The following ANKRD30BL variants were observed in gnomAD, a reference collection of about 807,000 sequenced individuals.
ANKRD30BL encodes the protein putative ankyrin repeat domain-containing protein 30B-like.
In ANKRD30BL, 20 loss-of-function variants were observed where a neutral mutation model predicts 18.4. The observed-to-expected ratio is 1.09, with a 90% CI of 0.77 to 1.58. The LOEUF is 1.58. ANKRD30BL is among the 40% of genes most tolerant of loss of function. ANKRD30BL has a pLI of 0.00. For synonymous variants in ANKRD30BL, 72 were observed against 100.9 expected, an observed-to-expected ratio of 0.71 and a Z score of 1.72; for missense variants, 224 against 268.6, an observed-to-expected ratio of 0.83 and a Z score of 1.16.
At chr2:132,187,841 C>T (rs1688596516) in intron 1 of ANKRD30BL, among the ~76,000 whole-genome samples, 1 of 151,558 alleles carries the variant, frequency 6.6e-6, no homozygotes, top group African/African-American at 2.4e-5. Flanking sequence ...TCATTGCAAC[C>T]TCCGCCTCCT....
At chr2:132,169,627 C>CA (rs1210576459) in intron 1 of ANKRD30BL, among the ~76,000 whole-genome samples, 1 of 124,168 alleles carries the variant, frequency 8.1e-6, no homozygotes, top group Non-Finnish European at 1.6e-5. Context: ...AGCCTGGTGA[C>CA]ACAGGGATAC....
At chr2:132,253,541 C>T (rs1356445581) in intron 1 of ANKRD30BL, among the ~76,000 whole-genome samples, 1 of 152,162 alleles carries the variant, frequency 6.6e-6, no homozygotes, top group African/African-American at 2.4e-5. Context: ...GGGGTACAGG[C>T]CACACGTGCA....
At chr2:132,162,550 G>A (rs1322686913), upstream of ANKRD30BL, among the ~76,000 whole-genome samples, 2 of 152,208 alleles carry the variant, frequency 1.3e-5, no homozygotes, top group Non-Finnish European at 2.9e-5. Flanking sequence ...CTGCAACTGA[G>A]GTCCCACTGC....
chr2:132,221,014 G>A (rs1262991470), intron 1 of ANKRD30BL, among the ~76,000 whole-genome samples: 168 of 138,728 alleles, frequency 1.2e-3, no homozygotes, highest in Middle Eastern at 4.3e-3. Flanking sequence ...CTGCCCCGCC[G>A]CCCTGTCTGG....
chr2:132,169,950 C>G (rs1688250416), intron 1 of ANKRD30BL, among the ~76,000 whole-genome samples: 1 of 152,016 alleles, frequency 6.6e-6, no homozygotes, highest in Non-Finnish European at 1.5e-5. Context: ...TTTTAAATCT[C>G]ATTGTTTTAA....
intron 1 of ANKRD30BL, among the ~76,000 whole-genome samples, chr2:132,254,809 G>T (rs1280247879): frequency 2.0e-5 from 3 of 152,212 alleles, no homozygotes; most frequent in Admixed American, 6.5e-5. Flanking sequence ...TAACTAGTTG[G>T]CATGCCAGAG....
intron 1 of ANKRD30BL, among the ~76,000 whole-genome samples, chr2:132,198,742 C>T (rs1174848715): frequency 1.3e-5 from 2 of 151,810 alleles, no homozygotes; most frequent in African/African-American, 4.8e-5. Context: ...CTCAGCCTCC[C>T]GAGTAGCTGG....
rs1372033828 is a variant in ANKRD30BL, at chr2:132,232,814, A to T, written n.441+24715T>A. 3.3e-5 allele frequency among the ~76,000 whole-genome samples: 5 copies of T among 152,078 alleles called. No homozygotes were observed. In the East Asian group the frequency reaches 5.8e-4, roughly 18 times the overall value. On this transcript the variant is annotated intron_variant and non_coding_transcript_variant, in intron 1 of 4. Transcript: ENST00000470729. ...AATCTAGCAAGGCAGGCCAACATTC[A>T]GATTCAGGAAATACAGAGAATGCCA...
chr2:132,239,141 C>G (rs2104792327), intron 1 of ANKRD30BL, among the ~76,000 whole-genome samples: 1 of 152,176 alleles, frequency 6.6e-6, no homozygotes, highest in Admixed American at 6.6e-5. Context: ...CACATAAAAA[C>G]TAGAGAGAAG....
At chr2:132,163,528 A>C (rs566835542), upstream of ANKRD30BL, among the ~76,000 whole-genome samples, 263 of 152,336 alleles carry the variant, frequency 1.7e-3, no homozygotes, top group Non-Finnish European at 2.9e-3. Context: ...AGCCTGGGCA[A>C]CAGAGACTCT....
At chr2:132,186,397 T>C (rs1688560518) in intron 1 of ANKRD30BL, among the ~76,000 whole-genome samples, 2 of 152,286 alleles carry the variant, frequency 1.3e-5, no homozygotes, top group South Asian at 4.1e-4. Context: ...ATTGAACATG[T>C]ATATGTTTAC....
At chr2:132,171,078 C>G (rs1042199939) in intron 1 of ANKRD30BL, among the ~76,000 whole-genome samples, 1 of 151,170 alleles carries the variant, frequency 6.6e-6, no homozygotes, top group African/African-American at 2.4e-5. Context: ...ATGGCGTGAA[C>G]CCGGAGGCGG....
At chr2:132,255,769 T>A (rs1680813986) in intron 1 of ANKRD30BL, among the ~76,000 whole-genome samples, 1 of 152,164 alleles carries the variant, frequency 6.6e-6, no homozygotes, top group African/African-American at 2.4e-5. Context: ...TTCTCCAGAA[T>A]TGAACCCTGA....
At chr2:132,157,531 A>G (rs1687944407) in intron 1 of ANKRD30BL, 108 bp from the exon 2 acceptor site, 2 of 449,708 alleles carry the variant, frequency 4.4e-6, no homozygotes, top group African/African-American at 4.1e-5. Context: ...TCTGCCTTCA[A>G]AACAAATATT....
chr2:132,227,518 C>T (rs897815470), intron 1 of ANKRD30BL, among the ~76,000 whole-genome samples: 2 of 151,488 alleles, frequency 1.3e-5, no homozygotes, highest in African/African-American at 4.8e-5. Flanking sequence ...TTAGGTACCC[C>T]TTGAGACCCT....
Position 132,209,794 on chromosome 2 carries a change from G to A in ANKRD30BL, n.441+47735C>T, listed in dbSNP as rs139949473. On this transcript the variant is annotated intron_variant and non_coding_transcript_variant, in intron 1 of 4. Coordinates refer to the ANKRD30BL transcript ENST00000470729. ...ATTGAGCAGTTTTGAAACAATCTTT[G>A]TGTAGTATTTGCAAGTGGATATTTG... 3.3e-5 allele frequency among the ~76,000 whole-genome samples: 5 copies of A among 150,438 alleles called. No individual in the cohort carries two copies. In the South Asian group the frequency reaches 8.5e-4, roughly 26 times the overall value.
At chr2:132,149,938 A>G (rs1257137701) in intron 5 of ANKRD30BL, among the ~76,000 whole-genome samples, 1 of 152,178 alleles carries the variant, frequency 6.6e-6, no homozygotes, top group Admixed American at 6.5e-5. Flanking sequence ...TACATATAAA[A>G]TAGAAACTAT....
chr2:132,212,873 G>A (rs1221672710), intron 1 of ANKRD30BL, among the ~76,000 whole-genome samples: 2 of 151,992 alleles, frequency 1.3e-5, no homozygotes, highest in Non-Finnish European at 2.9e-5. Flanking sequence ...TCATCTCACA[G>A]AGTTGTAACT....
chr2:132,227,140 T>C (rs1379788309), intron 1 of ANKRD30BL, among the ~76,000 whole-genome samples: 1 of 152,120 alleles, frequency 6.6e-6, no homozygotes, highest in East Asian at 1.9e-4. Context: ...TTTGAAACAC[T>C]CTTTTTGTAG....
Sources: allele counts gnomAD v4.1 joint callset (sites outside exome capture counted in the v4.1 genomes callset), GRCh38; gene constraint gnomAD v4.1.1; transcripts MANE v1.5; gene names NCBI Gene and HGNC (gene_info 2026-07-23, HGNC 2026-07-21).